Variants in PCSK5 observed in about 807,000 individuals in gnomAD.
The protein encoded by PCSK5 is prohormone convertase 5.
PCSK5 carries 129 observed loss-of-function variants against 233.2 expected under a neutral mutation model. That is an observed-to-expected ratio of 0.55 (90% confidence interval 0.48 to 0.64). PCSK5 has a LOEUF of 0.64. Ranked by LOEUF, PCSK5 falls within the 30% of genes least tolerant of loss-of-function variation. PCSK5 has a pLI of 0.00. For missense variants in PCSK5, 2,076 were observed against 2,430.1 expected (o/e 0.85, Z 3.06); for synonymous variants, 825 against 879.2 (o/e 0.94, Z 1.09).
At chr9:75,999,662 G>C (rs542728814) in intron 3 of PCSK5, among the ~76,000 whole-genome samples, 1 of 152,182 alleles carries the variant, frequency 6.6e-6, no homozygotes, top group Non-Finnish European at 1.5e-5. Flanking sequence ...CCTCATTCCC[G>C]TAAATCCACA....
chr9:75,942,888 T>C (rs1195557590), intron 2 of PCSK5, among the ~76,000 whole-genome samples: 2 of 145,370 alleles, frequency 1.4e-5, no homozygotes, highest in African/African-American at 2.5e-5. Context: ...TCTTCTTCTT[T>C]TTTTTTTTTT....
intron 24 of PCSK5, among the ~76,000 whole-genome samples, chr9:76,256,645 G>T (rs546044177): frequency 1.3e-5 from 2 of 152,120 alleles, no homozygotes; most frequent in South Asian, 2.1e-4. Flanking sequence ...AAATATCTTC[G>T]ATTTTTCTGA....
At position 75,895,432 on chromosome 9, in the gene PCSK5, G is replaced by A. The variant is rs150751083; in HGVS notation, c.192+4059G>A. Reference sequence around the variant, plus strand: ...GAAGACATTTTAAAAATGGAGATGCGAAATGTGAAGATCAGGAAAATATAT... The same window carrying A: ...GAAGACATTTTAAAAATGGAGATGCAAAATGTGAAGATCAGGAAAATATAT... On this transcript the variant is annotated intron_variant, in intron 1 of 37. Transcript: ENST00000674117. Among the ~76,000 whole-genome samples, 675 of 152,318 alleles carry A rather than the reference G, an allele frequency of 4.4e-3. 8 individuals are homozygous for A. The highest frequency in any genetic ancestry group is 0.015 in the African/African-American group (632 of 41,562).
chr9:76,200,020 C>A lies in PCSK5; in HGVS notation c.2626+10274C>A, dbSNP rs1824857433. On this transcript the variant is annotated intron_variant, in intron 20 of 37. Coordinates refer to ENST00000674117, the MANE Select transcript of PCSK5 (RefSeq NM_001372043.1). ...ACTTCTGCCCACTCCATAGCTGTGA[C>A]TGTGGCCAAACCACCATTGTTGCCA... 2.0e-5 allele frequency among the ~76,000 whole-genome samples: 3 copies of A among 152,306 alleles called. No homozygotes were observed. The South Asian group carries it at 6.2e-4, about 32-fold the overall frequency.
intron 9 of PCSK5, among the ~76,000 whole-genome samples, chr9:76,130,381 G>T (rs1822708165): frequency 6.6e-6 from 1 of 152,150 alleles, no homozygotes; most frequent in Admixed American, 6.5e-5. Flanking sequence ...GATCCGTTTG[G>T]AAATAGTGTT....
intron 24 of PCSK5, among the ~76,000 whole-genome samples, chr9:76,249,993 T>G (rs1392460509): frequency 6.6e-6 from 1 of 152,104 alleles, no homozygotes; most frequent in Non-Finnish European, 1.5e-5. Flanking sequence ...ACCAAATAAC[T>G]TATTTAAATA....
intron 30 of PCSK5, among the ~76,000 whole-genome samples, chr9:76,312,669 G>A (rs1454661892): frequency 6.6e-6 from 1 of 152,046 alleles, no homozygotes; most frequent in Non-Finnish European, 1.5e-5. Context: ...ATCCAATCTA[G>A]TGTAGAAAGC....
chr9:75,955,955 A>G (rs1324033003), intron 2 of PCSK5, among the ~76,000 whole-genome samples: 2 of 152,242 alleles, frequency 1.3e-5, no homozygotes, highest in African/African-American at 2.4e-5. Context: ...TAGTCTCCCT[A>G]TGGTACAAAT....
chr9:75,972,380 A>C (rs1349883495), intron 2 of PCSK5, among the ~76,000 whole-genome samples: 1 of 152,234 alleles, frequency 6.6e-6, no homozygotes, highest in Non-Finnish European at 1.5e-5. Flanking sequence ...ATGGTTCCAT[A>C]TGAATTTTAA....
intron 14 of PCSK5, among the ~76,000 whole-genome samples, chr9:76,177,089 A>G (rs1823646963): frequency 6.6e-6 from 1 of 152,184 alleles, no homozygotes; most frequent in Admixed American, 6.5e-5. Flanking sequence ...CAGGAGTTTG[A>G]GACTAGCCTG....
chr9:76,194,775 G>C (rs1824607332), intron 20 of PCSK5: 1 of 466,010 alleles, frequency 2.1e-6, no homozygotes, highest in African/African-American at 2.0e-5. Context: ...CTGATATCAA[G>C]TTTCTTCATA....
chr9:75,974,974 C>T (rs1303863346), intron 2 of PCSK5, among the ~76,000 whole-genome samples: 1 of 152,128 alleles, frequency 6.6e-6, no homozygotes, highest in East Asian at 1.9e-4. Context: ...TAGAGCTTGC[C>T]AACATAACAA....
At chr9:75,921,904 A>G (rs1823274900) in intron 1 of PCSK5, among the ~76,000 whole-genome samples, 1 of 152,210 alleles carries the variant, frequency 6.6e-6, no homozygotes, top group Non-Finnish European at 1.5e-5. Flanking sequence ...CCCAGTCCTT[A>G]TCTGTAGTGT....
intron 24 of PCSK5, among the ~76,000 whole-genome samples, chr9:76,289,047 A>G (rs2803415): frequency 0.25 from 37,560 of 151,982 alleles, 4,709 homozygotes; most frequent in Middle Eastern, 0.29. Flanking sequence ...GTGACAGTAC[A>G]GATGATCCCC....
In PCSK5 at chr9:76,175,401, G is replaced by C. The variant is rs962537124; in HGVS notation, c.1900+272G>C. 24 of 461,622 alleles carry C rather than the reference G, an allele frequency of 5.2e-5. No homozygotes were observed. In the Middle Eastern group the frequency reaches 3.7e-3, roughly 72 times the overall value. The allele number at this position is 461,622 out of a possible 1,614,324, so 28.6% of individuals were successfully genotyped here. ...CTTAAATATTTGTGTGTGTATATCA[G>C]TGCACTCATATATTCAAATATCCAT... On this transcript the variant is annotated intron_variant, in intron 14 of 37. Transcript: ENST00000674117.
chr9:76,189,049 T>A (rs1435669949), intron 18 of PCSK5, 45 bp from the exon 19 acceptor site: 2 of 1,598,608 alleles, frequency 1.3e-6, no homozygotes, highest in South Asian at 2.3e-5. Context: ...CACCACCTCC[T>A]CTGAGGTTTT....
At chr9:75,962,766 G>A (rs1316430741) in intron 2 of PCSK5, among the ~76,000 whole-genome samples, 7 of 152,316 alleles carry the variant, frequency 4.6e-5, no homozygotes, top group African/African-American at 1.4e-4. Flanking sequence ...ATGTCAGGAA[G>A]ACATCACACC....
At chr9:76,130,684 C>T (rs1040718495) in intron 9 of PCSK5, among the ~76,000 whole-genome samples, 3 of 152,098 alleles carry the variant, frequency 2.0e-5, no homozygotes, top group East Asian at 1.9e-4. Flanking sequence ...ACAGAACTCC[C>T]GAGAAAGTCA....
At chr9:76,320,160 A>C (rs1225889575) in intron 30 of PCSK5, among the ~76,000 whole-genome samples, 1 of 152,032 alleles carries the variant, frequency 6.6e-6, no homozygotes, top group African/African-American at 2.4e-5. Flanking sequence ...TTAATTTATT[A>C]CAATCTCTCG....
Sources: allele counts gnomAD v4.1 joint callset (sites outside exome capture counted in the v4.1 genomes callset), GRCh38; gene constraint gnomAD v4.1.1; transcripts MANE v1.5; gene names NCBI Gene and HGNC (gene_info 2026-07-23, HGNC 2026-07-21).